Variants in ZFAND4 observed in about 807,000 individuals in gnomAD.
ZFAND4 encodes AN1-type zinc finger protein 4.
ZFAND4 carries 43 observed loss-of-function variants against 64.4 expected under a neutral mutation model. The ratio of observed to expected loss-of-function variants is 0.67; its 90% CI spans 0.52 to 0.86. The LOEUF is 0.86. ZFAND4 is among the 40% of genes least tolerant of loss of function. ZFAND4 has a pLI of 0.00. For synonymous variants in ZFAND4, 296 were observed against 305.7 expected, an observed-to-expected ratio of 0.97 and a Z score of 0.33; for missense variants, 929 against 859.8, an observed-to-expected ratio of 1.08 and a Z score of -1.01.
intron 6 of ZFAND4, among the ~76,000 whole-genome samples, chr10:45,635,195 C>CAAAAAAAAAAAAAAAA (rs1173808756): frequency 4.2e-3 from 116 of 27,560 alleles, no homozygotes; most frequent in Non-Finnish European, 5.3e-3. Flanking sequence ...GCCATCTAAG[C>CAAAAAAAAAAAAAAAA]AAAAAAAAAA....
chr10:45,670,296 G>A (rs1047637775), intron 1 of ZFAND4, among the ~76,000 whole-genome samples: 4 of 146,964 alleles, frequency 2.7e-5, no homozygotes, highest in South Asian at 2.1e-4. Flanking sequence ...GTGTGATCTT[G>A]GCTCACCACA....
intron 2 of ZFAND4, among the ~76,000 whole-genome samples, chr10:45,662,097 C>T (rs1476829559): frequency 5.3e-5 from 8 of 152,190 alleles, no homozygotes; most frequent in East Asian, 3.9e-4. Flanking sequence ...TTTAAGCCAC[C>T]GGTCTGTGGT....
rs2049266332 is a variant in ZFAND4, at chr10:45,672,490, G to T, written c.-358C>A. 1 of 152,340 alleles carries T rather than the reference G, an allele frequency of 6.6e-6. No homozygotes were observed. The highest frequency in any genetic ancestry group is 1.5e-5 in the Non-Finnish European group (1 of 68,138). The allele number at this position is 152,340 out of a possible 1,614,324, so 9.4% of individuals were successfully genotyped here. A position where few individuals can be genotyped will look rare whatever the true frequency, so the allele number is the denominator to read the frequency against. On this transcript the variant is annotated 5_prime_UTR_variant, in exon 1 of 10. Coordinates refer to ENST00000344646, the MANE Select transcript of ZFAND4 (RefSeq NM_174890.4). ...GCCGCTCCGGTCCCCGGGCAGCAGC[G>T]GCCGGCGTCAGGCCGCAAGGCGAGG...
At chr10:45,621,478 C>CA (rs963054312) in intron 8 of ZFAND4, among the ~76,000 whole-genome samples, 1 of 150,378 alleles carries the variant, frequency 6.6e-6, no homozygotes, top group Non-Finnish European at 1.5e-5. Flanking sequence ...CGCAGTGGCT[C>CA]ACACCTGTAA....
intron 4 of ZFAND4, chr10:45,650,818 T>C (rs1375334475): frequency 6.6e-6 from 1 of 152,126 alleles, no homozygotes; most frequent in Non-Finnish European, 1.5e-5. Flanking sequence ...CATTTATAGT[T>C]ATTACTATAA....
intron 5 of ZFAND4, chr10:45,640,389 T>C (rs1219410239): frequency 3.0e-5 from 37 of 1,234,402 alleles, no homozygotes; most frequent in Non-Finnish European, 3.6e-5. Context: ...GGGAGAGAAG[T>C]ACAGATTTTT....
intron 1 of ZFAND4, among the ~76,000 whole-genome samples, chr10:45,670,303 C>T (rs887240851): frequency 5.9e-5 from 9 of 151,610 alleles, no homozygotes; most frequent in African/African-American, 2.2e-4. Context: ...CTTGGCTCAC[C>T]ACAACCTCCG....
At chr10:45,640,094 G>T (rs2046882888) in intron 5 of ZFAND4, 131 bp from the exon 6 acceptor site, 2 of 1,301,162 alleles carry the variant, frequency 1.5e-6, no homozygotes, top group Non-Finnish European at 2.0e-6. Flanking sequence ...CAATGTTAAT[G>T]TCAGGAAAAT....
chr10:45,628,079 A>G (rs747103400), intron 6 of ZFAND4, among the ~76,000 whole-genome samples: 10 of 152,236 alleles, frequency 6.6e-5, no homozygotes, highest in Non-Finnish European at 1.5e-4. Flanking sequence ...CAAAAATTCA[A>G]GATCTTATGA....
intron 1 of ZFAND4, among the ~76,000 whole-genome samples, chr10:45,665,258 G>T (rs2048743284): frequency 6.6e-6 from 1 of 151,978 alleles, no homozygotes; most frequent in Non-Finnish European, 1.5e-5. Flanking sequence ...CTTTATTGAG[G>T]GCCAGGCACA....
rs2045793483 is a variant in ZFAND4 at position 45,626,011 on chromosome 10, ATG to A, written c.1810_1811del (p.His604PhefsTer7). ...SGTGLSTNLQ[H>X]FQEENFRKSS... ...TTTTCCTAAAGTTTTCTTCCTGAAA[ATG>A]CTGGAGGTTTGTAGACAGCCCAGTT... On this transcript the variant is annotated frameshift_variant, in exon 7 of 10. Coordinates refer to ENST00000344646, the MANE Select transcript of ZFAND4 (RefSeq NM_174890.4). LOFTEE classifies it high-confidence loss of function. 1 of 1,614,062 alleles carries A rather than the reference ATG, an allele frequency of 6.2e-7. No homozygotes were observed. Among genetic ancestry groups the A allele is most frequent in the South Asian group, 1.1e-5 (1 of 91,076 alleles).
At chr10:45,640,523 C>G in intron 5 of ZFAND4, 2 of 871,958 alleles carry the variant, frequency 2.3e-6, no homozygotes, top group Non-Finnish European at 3.0e-6. Context: ...GACAGTCTCA[C>G]TCTTGTCGCC....
chr10:45,645,707 A>G (rs1197836060), intron 5 of ZFAND4, among the ~76,000 whole-genome samples: 1 of 152,234 alleles, frequency 6.6e-6, no homozygotes, highest in East Asian at 1.9e-4. Context: ...TGCTTTCAAA[A>G]GTAGAAATTA....
intron 6 of ZFAND4, among the ~76,000 whole-genome samples, chr10:45,630,404 T>G (rs2046122906): frequency 6.6e-6 from 1 of 152,148 alleles, no homozygotes; most frequent in Non-Finnish European, 1.5e-5. Context: ...CACAGGAGAC[T>G]AAAATTCTAC....
intron 1 of ZFAND4, among the ~76,000 whole-genome samples, chr10:45,664,895 C>T (rs540777395): frequency 6.6e-6 from 1 of 152,176 alleles, no homozygotes; most frequent in Admixed American, 6.5e-5. Flanking sequence ...TGCGCCACAA[C>T]ACCCCAGCCT....
intron 8 of ZFAND4, among the ~76,000 whole-genome samples, chr10:45,622,167 A>G (rs1306688486): frequency 1.3e-5 from 2 of 152,234 alleles, no homozygotes; most frequent in African/African-American, 2.4e-5. Flanking sequence ...ACATAGACCA[A>G]TGAGTAGACA....
chr10:45,625,241 G>A (rs2045715745), intron 7 of ZFAND4, among the ~76,000 whole-genome samples: 1 of 151,080 alleles, frequency 6.6e-6, no homozygotes, highest in Non-Finnish European at 1.5e-5. Flanking sequence ...GGGAGGCCCA[G>A]GCGGGTGGAT....
chr10:45,655,105 CAA>C (rs2133809805), intron 2 of ZFAND4, among the ~76,000 whole-genome samples: 2 of 152,178 alleles, frequency 1.3e-5, no homozygotes, highest in South Asian at 4.1e-4. Context: ...TGAGAAGCCA[CAA>C]AAAAGTCTCA....
At chr10:45,663,394 GGA>G (rs2048603144) in intron 2 of ZFAND4, 146 bp downstream of exon 2, 1 of 593,754 alleles carries the variant, frequency 1.7e-6, no homozygotes, top group Admixed American at 3.6e-5. Flanking sequence ...GATAAATGTT[GGA>G]GAGAGGGAGT....
Sources: allele counts gnomAD v4.1 joint callset (sites outside exome capture counted in the v4.1 genomes callset), GRCh38; gene constraint gnomAD v4.1.1; transcripts MANE v1.5; gene names NCBI Gene and HGNC (gene_info 2026-07-23, HGNC 2026-07-21).